Variants in LRRC4C observed in about 807,000 individuals in gnomAD.
The protein encoded by LRRC4C is leucine-rich repeat-containing protein 4C.
In LRRC4C, 5 loss-of-function variants were observed where a neutral mutation model predicts 33.6. The observed-to-expected ratio is 0.15, with a 90% CI of 0.08 to 0.31. The LOEUF (loss-of-function observed/expected upper bound fraction) is 0.31. Ranked by LOEUF, LRRC4C falls within the 10% of genes least tolerant of loss-of-function variation. LRRC4C has a pLI of 1.00. For synonymous variants in LRRC4C, 329 were observed against 302.0 expected, an observed-to-expected ratio of 1.09 and a Z score of -0.93; for missense variants, 560 against 796.7, an observed-to-expected ratio of 0.70 and a Z score of 3.58.
chr11:40,864,152 TC>T (rs770379919), intron 2 of LRRC4C, among the ~76,000 whole-genome samples: 6 of 152,142 alleles, frequency 3.9e-5, no homozygotes, highest in Non-Finnish European at 7.4e-5. Context: ...CACTGCAATC[TC>T]CACCTCCCGG....
chr11:40,817,205 T>G (rs1951741042), intron 2 of LRRC4C, among the ~76,000 whole-genome samples: 1 of 152,242 alleles, frequency 6.6e-6, no homozygotes, highest in South Asian at 2.1e-4. Flanking sequence ...AATATTTATC[T>G]AACTGAAAAG....
At chr11:40,663,356 C>G (rs1487282203) in intron 2 of LRRC4C, among the ~76,000 whole-genome samples, 1 of 152,202 alleles carries the variant, frequency 6.6e-6, no homozygotes, top group African/African-American at 2.4e-5. Flanking sequence ...GTTGGGATTA[C>G]AGGCGTGAGC....
At chr11:40,696,713 C>G (rs1201010364) in intron 2 of LRRC4C, among the ~76,000 whole-genome samples, 1 of 141,676 alleles carries the variant, frequency 7.1e-6, no homozygotes, top group East Asian at 2.0e-4. Context: ...CATTGCAGCA[C>G]AGAAAAATTG....
At chr11:40,850,875 A>G (rs773099141) in intron 2 of LRRC4C, among the ~76,000 whole-genome samples, 18 of 152,296 alleles carry the variant, frequency 1.2e-4, no homozygotes, top group Non-Finnish European at 2.1e-4. Context: ...GGCTTTGAGG[A>G]GCAGTGGTGG....
chr11:41,458,831 G>A (rs1165488753), intron 1 of LRRC4C, among the ~76,000 whole-genome samples: 1 of 151,862 alleles, frequency 6.6e-6, no homozygotes, highest in East Asian at 1.9e-4. Flanking sequence ...AAAAGAGAGA[G>A]GTTCAAAATA....
At chr11:40,199,460 GT>G (rs1251446685) in intron 5 of LRRC4C, among the ~76,000 whole-genome samples, 1 of 152,114 alleles carries the variant, frequency 6.6e-6, no homozygotes, top group African/African-American at 2.4e-5. Flanking sequence ...TAAGGTTTTT[GT>G]TTTTGTTTTT....
At chr11:40,779,224 A>G (rs1480944072) in intron 2 of LRRC4C, among the ~76,000 whole-genome samples, 1 of 152,182 alleles carries the variant, frequency 6.6e-6, no homozygotes, top group African/African-American at 2.4e-5. Flanking sequence ...CTCAAAGATG[A>G]TTCAAGTTTT....
At chr11:40,380,245 C>T (rs955144765) in intron 3 of LRRC4C, among the ~76,000 whole-genome samples, 3 of 152,150 alleles carry the variant, frequency 2.0e-5, no homozygotes, top group African/African-American at 7.2e-5. Flanking sequence ...GAACGATCAT[C>T]TGAGGATCTT....
chr11:40,928,264 A>G (rs1029692921), intron 2 of LRRC4C, among the ~76,000 whole-genome samples: 1 of 150,452 alleles, frequency 6.6e-6, no homozygotes, highest in African/African-American at 2.4e-5. Flanking sequence ...ATATATATTT[A>G]TAAATATATA....
At chr11:40,214,043 C>T (rs911775699) in intron 5 of LRRC4C, among the ~76,000 whole-genome samples, 3 of 152,158 alleles carry the variant, frequency 2.0e-5, no homozygotes, top group African/African-American at 7.2e-5. Context: ...TCAGATCTGT[C>T]TTACTCCATG....
chr11:41,314,625 A>G (rs1476718599), intron 1 of LRRC4C, among the ~76,000 whole-genome samples: 1 of 152,232 alleles, frequency 6.6e-6, no homozygotes, highest in African/African-American at 2.4e-5. Context: ...CAGGGCAGGG[A>G]ACATCACACA....
intron 1 of LRRC4C, among the ~76,000 whole-genome samples, chr11:41,320,931 G>A (rs1374539): frequency 7.2e-5 from 11 of 151,970 alleles, no homozygotes; most frequent in Admixed American, 2.6e-4. Context: ...AAGCAACTCT[G>A]AACTCCAAGA....
chr11:41,378,788 A>C (rs546930779), intron 1 of LRRC4C, among the ~76,000 whole-genome samples: 22 of 152,276 alleles, frequency 1.4e-4, no homozygotes, highest in Admixed American at 3.9e-4. Context: ...AACCCAAGGC[A>C]CTGATTTCTA....
intron 1 of LRRC4C, among the ~76,000 whole-genome samples, chr11:41,258,085 C>CA (rs1316131826): frequency 6.6e-6 from 1 of 151,620 alleles, no homozygotes; most frequent in Non-Finnish European, 1.5e-5. Context: ...AGTCAGTATA[C>CA]AAAAAAAGAA....
At chr11:40,640,876 C>T (rs562494220) in intron 3 of LRRC4C, among the ~76,000 whole-genome samples, 1 of 151,928 alleles carries the variant, frequency 6.6e-6, no homozygotes, top group South Asian at 2.1e-4. Context: ...ATCAGCCGGG[C>T]GTGGTGGCGG....
At chr11:40,968,245 A>C (rs1851490915) in intron 1 of LRRC4C, among the ~76,000 whole-genome samples, 1 of 152,120 alleles carries the variant, frequency 6.6e-6, no homozygotes, top group African/African-American at 2.4e-5. Context: ...TTCTATAAAG[A>C]CTAAGAGAGT....
At chr11:41,225,863 C>T (rs571405177) in intron 1 of LRRC4C, among the ~76,000 whole-genome samples, 2 of 152,162 alleles carry the variant, frequency 1.3e-5, no homozygotes, top group East Asian at 3.9e-4. Flanking sequence ...AGAACTATCA[C>T]AGGAGGATAT....
intron 1 of LRRC4C, among the ~76,000 whole-genome samples, chr11:41,167,437 T>G (rs1944780487): frequency 6.6e-6 from 1 of 152,266 alleles, no homozygotes; most frequent in Admixed American, 6.5e-5. Context: ...GCACATTTTA[T>G]TATCAAAAAT....
chr11:41,226,462 A>G (rs1947539021), intron 1 of LRRC4C, among the ~76,000 whole-genome samples: 1 of 152,176 alleles, frequency 6.6e-6, no homozygotes, highest in Admixed American at 6.5e-5. Flanking sequence ...CCTTTTACAG[A>G]TAAATCTGAA....
Sources: allele counts gnomAD v4.1 joint callset (sites outside exome capture counted in the v4.1 genomes callset), GRCh38; gene constraint gnomAD v4.1.1; transcripts MANE v1.5; gene names NCBI Gene and HGNC (gene_info 2026-07-23, HGNC 2026-07-21).